The following DPP6 variants were observed in gnomAD, a reference collection of about 807,000 sequenced individuals.
DPP6 encodes the protein A-type potassium channel modulatory protein DPP6.
A neutral mutation model predicts 122.6 loss-of-function variants in DPP6; 69 were observed. The observed-to-expected ratio is 0.56, with a 90% CI of 0.46 to 0.69. DPP6 has a LOEUF of 0.69. Among genes scored for constraint, DPP6 ranks in the 30% least tolerant of loss-of-function variants. DPP6 has a pLI of 0.00. For missense variants in DPP6, 928 were observed against 1,116.9 expected, an observed-to-expected ratio of 0.83 and a Z score of 2.41; for synonymous variants, 418 against 433.1, an observed-to-expected ratio of 0.97 and a Z score of 0.43.
At chr7:154,076,137 C>A (rs569029217) in intron 1 of DPP6, among the ~76,000 whole-genome samples, 1 of 151,952 alleles carries the variant, frequency 6.6e-6, no homozygotes, top group Non-Finnish European at 1.5e-5. Flanking sequence ...AAGAGTAAAA[C>A]TGGGTTTAAA....
At chr7:154,517,753 C>T (rs190121060) in intron 3 of DPP6, among the ~76,000 whole-genome samples, 6 of 152,140 alleles carry the variant, frequency 3.9e-5, no homozygotes, top group Admixed American at 6.5e-5. Context: ...GAAATGACAG[C>T]GGTGTTGTGT....
intron 1 of DPP6, among the ~76,000 whole-genome samples, chr7:154,221,476 A>G (rs1800304174): frequency 6.6e-6 from 1 of 152,096 alleles, no homozygotes; most frequent in South Asian, 2.1e-4. Flanking sequence ...GTTTCAATAT[A>G]TGAATCTGGG....
intron 5 of DPP6, among the ~76,000 whole-genome samples, chr7:154,630,768 A>C (rs1223215469): frequency 6.6e-6 from 1 of 152,046 alleles, no homozygotes; most frequent in Non-Finnish European, 1.5e-5. Flanking sequence ...GGAACATCAC[A>C]CACTGGGGCC....
At chr7:154,396,081 T>C (rs181135251) in intron 1 of DPP6, among the ~76,000 whole-genome samples, 1 of 152,244 alleles carries the variant, frequency 6.6e-6, no homozygotes, top group African/African-American at 2.4e-5. Flanking sequence ...CGAATTGTTA[T>C]TTTTGAATTG....
Position 154,694,401 on chromosome 7 carries a change from C to CA in DPP6, c.762+24961dup, listed in dbSNP as rs368084535. ...CCGAGGTGGGTGGATCGCTTGAGGT[C>CA]AGGAGTTCAAGACCAGCCTGGCCAA... On this transcript the variant is annotated intron_variant, in intron 7 of 25. Transcript: ENST00000377770. Among the ~76,000 whole-genome samples, 1,316 of 152,262 alleles carry CA rather than the reference C, an allele frequency of 8.6e-3. 20 individuals carry two copies. The highest frequency in any genetic ancestry group is 0.03 in the African/African-American group (1,244 of 41,552).
At chr7:154,036,742 G>T (rs1177697854) in intron 1 of DPP6, among the ~76,000 whole-genome samples, 3 of 151,862 alleles carry the variant, frequency 2.0e-5, no homozygotes, top group South Asian at 2.1e-4. Flanking sequence ...CAAAACTGCC[G>T]CTTTGGTAGT....
At chr7:154,516,650 G>C (rs1443548088) in intron 3 of DPP6, among the ~76,000 whole-genome samples, 1 of 152,122 alleles carries the variant, frequency 6.6e-6, no homozygotes, top group Non-Finnish European at 1.5e-5. Flanking sequence ...TAAGACTCAG[G>C]ACTGGGATGA....
intron 1 of DPP6, among the ~76,000 whole-genome samples, chr7:154,219,268 A>C (rs1396889870): frequency 6.6e-6 from 1 of 152,166 alleles, no homozygotes; most frequent in Non-Finnish European, 1.5e-5. Flanking sequence ...AGTGCTTTTC[A>C]TCTCCAAGGA....
intron 1 of DPP6, among the ~76,000 whole-genome samples, chr7:154,108,002 CAAAT>C (rs1424645506): frequency 2.6e-5 from 4 of 152,282 alleles, no homozygotes; most frequent in East Asian, 3.9e-4. Flanking sequence ...AATTTAATAA[CAAAT>C]AAATAATTCA....
At position 153,959,998 on chromosome 7, in the gene DPP6, G is replaced by A. The variant is rs146772719; in HGVS notation, c.51+72264G>A. ...ACTTTGACACTTTGAAGCTATTGTT[G>A]GTTGATTAGCTGGCCTAAGTTCAAT... On this transcript the variant is annotated intron_variant, in intron 1 of 25. Transcript: ENST00000404039. Among the ~76,000 whole-genome samples the A allele has an allele frequency of 6.8e-3, 1,038 of 152,194 alleles. 3 individuals carry two copies. Among genetic ancestry groups the A allele is most frequent in the Non-Finnish European group, 0.011 (731 of 67,996 alleles).
At position 154,403,787 on chromosome 7, in the gene DPP6, A is replaced by G. The variant is rs1048755066; in HGVS notation, c.244-42427A>G. Among the ~76,000 whole-genome samples the G allele has an allele frequency of 6.6e-6, 1 of 152,150 alleles. No homozygotes were observed. The highest frequency in any genetic ancestry group is 1.5e-5 in the Non-Finnish European group (1 of 68,030). On this transcript the variant is annotated intron_variant, in intron 1 of 25. Transcript: ENST00000377770. This position sits in a 1 kb window ranked among gnomAD's most constrained non-coding sequence, Gnocchi z 4.1. ...TTACACTTCTGGTCTTTTGGTTCTCAATACCTCGGGGTGTAAAGGACAGCT... is the reference window on the plus strand; with the variant it reads ...TTACACTTCTGGTCTTTTGGTTCTCGATACCTCGGGGTGTAAAGGACAGCT...
intron 12 of DPP6, among the ~76,000 whole-genome samples, chr7:154,799,840 T>C (rs1388949711): frequency 6.6e-6 from 1 of 152,204 alleles, no homozygotes; most frequent in Non-Finnish European, 1.5e-5. Context: ...CAACAATCAT[T>C]GCACTTTGTC....
intron 7 of DPP6, among the ~76,000 whole-genome samples, chr7:154,702,823 A>G (rs1213991200): frequency 6.6e-6 from 1 of 152,264 alleles, no homozygotes; most frequent in Non-Finnish European, 1.5e-5. Context: ...TACACCAAAC[A>G]ACAGATTTTT....
intron 1 of DPP6, among the ~76,000 whole-genome samples, chr7:154,287,725 G>A (rs1804946850): frequency 6.6e-6 from 1 of 152,152 alleles, no homozygotes; most frequent in Non-Finnish European, 1.5e-5. Context: ...CAGCAGAAGG[G>A]GCTCTTGTCA....
chr7:154,779,047 T>TTCTACCACCACC (rs1796815985), intron 10 of DPP6, among the ~76,000 whole-genome samples: 16 of 6,050 alleles, frequency 2.6e-3, no homozygotes, highest in South Asian at 0.01. Flanking sequence ...CCACCACAAC[T>TTCTACCACCACC]ACCCCCACCA....
At chr7:153,764,934 G>C in the DPP6 span, among the ~76,000 whole-genome samples, 1 of 152,166 alleles carries the variant, frequency 6.6e-6, no homozygotes, top group African/African-American at 2.4e-5. Flanking sequence ...AAGACTCTCT[G>C]TTCTCCAAAG....
At chr7:154,756,356 C>T (rs987972715) in intron 8 of DPP6, among the ~76,000 whole-genome samples, 2 of 152,182 alleles carry the variant, frequency 1.3e-5, no homozygotes, top group Non-Finnish European at 2.9e-5. Flanking sequence ...GTCTCCAGGC[C>T]CCCGAGGCTG....
intron 7 of DPP6, among the ~76,000 whole-genome samples, chr7:154,671,267 C>T (rs1052639574): frequency 6.6e-6 from 1 of 152,170 alleles, no homozygotes; most frequent in African/African-American, 2.4e-5. Flanking sequence ...CCATAGAGAG[C>T]TCTCCCTGCC....
In DPP6 at chr7:153,887,663, C is replaced by T. The variant is rs577074839; in HGVS notation, c.-21C>T. On this transcript the variant is annotated 5_prime_UTR_variant, in exon 1 of 26. Transcript: ENST00000404039. ...AGTTTCTCTTCCCTGGACCAGAAGT[C>T]GGGTTCGGACTTGGGGCAAAATGAA... The T allele has an allele frequency of 1.4e-5, 22 of 1,613,728 alleles. No homozygotes were observed. In the South Asian group the frequency reaches 1.6e-4, roughly 12 times the overall value.
Sources: gnomAD v4.1 joint callset for allele counts (sites outside exome capture counted in the v4.1 genomes callset) on GRCh38, gnomAD v4.1.1 for gene constraint, Gnocchi (gnomAD v3.1) non-coding constraint, MANE v1.5 for transcripts, NCBI Gene and HGNC (gene_info 2026-07-23, HGNC 2026-07-21) for gene names.